Variants in SCG3 observed in about 807,000 individuals in gnomAD.
The protein encoded by SCG3 is secretogranin III.
In SCG3, 38 loss-of-function variants were observed where a neutral mutation model predicts 56.2. The observed-to-expected ratio is 0.68, with a 90% CI of 0.52 to 0.89. The LOEUF (loss-of-function observed/expected upper bound fraction) is 0.89, where lower values mean the gene tolerates loss of function less well. Ranked by LOEUF, SCG3 falls within the 40% of genes least tolerant of loss-of-function variation. The pLI, the probability that SCG3 is intolerant of heterozygous loss-of-function variation, is 0.00. For synonymous variants in SCG3, 176 were observed against 184.2 expected (o/e 0.96, Z 0.36); for missense variants, 524 against 540.7 (o/e 0.97, Z 0.31).
At chr15:51,716,640 C>T (rs552047346) in intron 11 of SCG3, among the ~76,000 whole-genome samples, 1 of 152,332 alleles carries the variant, frequency 6.6e-6, no homozygotes, top group African/African-American at 2.4e-5. Context: ...CTCCTGTTCT[C>T]TCACTCAACA....
chr15:51,696,449 C>G (rs2055304214), intron 8 of SCG3, among the ~76,000 whole-genome samples: 1 of 152,088 alleles, frequency 6.6e-6, no homozygotes, highest in African/African-American at 2.4e-5. Context: ...ACTCAGGAGG[C>G]TGAGGCATGA....
chr15:51,708,052 A>G (rs561610776), intron 10 of SCG3: 1 of 152,370 alleles, frequency 6.6e-6, no homozygotes, highest in African/African-American at 2.4e-5. Context: ...TGTAAAAACC[A>G]GAACAGCCAG....
chr15:51,708,808 G>A (rs1415516610), intron 10 of SCG3, among the ~76,000 whole-genome samples: 2 of 151,776 alleles, frequency 1.3e-5, no homozygotes, highest in Admixed American at 6.6e-5. Flanking sequence ...GCGGTGAGCC[G>A]AGACTGCACC....
rs546965557 is a variant in SCG3, at chr15:51,718,258, G to A, written c.1289-1150G>A. 5.3e-5 allele frequency among the ~76,000 whole-genome samples: 8 copies of A among 152,148 alleles called. No homozygotes were observed. In the South Asian group the frequency reaches 6.2e-4, roughly 12 times the overall value. On this transcript the variant is annotated intron_variant, in intron 11 of 11. Coordinates refer to ENST00000220478, the MANE Select transcript of SCG3 (RefSeq NM_013243.4). The stretch of plus-strand genomic sequence containing the variant: ...GACAGATGTCATAGGGTATAACCTC[G>A]TGGGGTTTTGTGGGGGGCAATTAAG...
rs1359539914 is a variant in SCG3, at chr15:51,694,700, G to C, written c.869-1175G>C. Among the ~76,000 whole-genome samples the C allele has an allele frequency of 2.6e-5, 4 of 151,736 alleles. No homozygotes were observed. In the East Asian group the frequency reaches 7.7e-4, roughly 29 times the overall value. ...CTATTATGGCATCATTATCCATTTT[G>C]TTCCATCAAGATGCAGAACAGAATG... On this transcript the variant is annotated intron_variant, in intron 7 of 11. Transcript: ENST00000220478.
rs1161546400 is a variant in SCG3 at position 51,704,276 on chromosome 15, T to TAA, written c.1207+3033_1207+3034insAA. ...ATATATATATATATATATATATATA[T>TAA]ATAAAATAGCTCTTTTTTGAAATTG... On this transcript the variant is annotated intron_variant, in intron 10 of 11. Coordinates refer to ENST00000220478, the MANE Select transcript of SCG3 (RefSeq NM_013243.4). Among the ~76,000 whole-genome samples the TAA allele has an allele frequency of 2.3e-5, 3 of 133,156 alleles. 1 individual carries two copies. Among genetic ancestry groups the TAA allele is most frequent in the Non-Finnish European group, 4.6e-5 (3 of 65,288 alleles). 87.4% of individuals were successfully genotyped at this position (133,156 alleles called of 152,430 possible). A position where few individuals can be genotyped will look rare whatever the true frequency, so the allele number is the denominator to read the frequency against.
At chr15:51,715,535 TA>T (rs1250878137) in intron 11 of SCG3, among the ~76,000 whole-genome samples, 3 of 152,150 alleles carry the variant, frequency 2.0e-5, no homozygotes, top group African/African-American at 7.2e-5. Flanking sequence ...ATAGTGAGGA[TA>T]ATGAGAAAAT....
Position 51,683,358 on chromosome 15 carries a change from T to G in SCG3, c.321T>G (p.Asp107Glu). ...SPLDNKLNVE[D>E]VDSTKNRKLI... ...TTGATAATAAGTTGAATGTGGAAGA[T>G]GTTGATTCAACCAAGAATCGAAAAC... is the stretch of plus-strand genomic sequence containing the variant. The change falls in exon 4 of 12, where the codon GAT becomes GAG. Residue 107 changes from aspartate to glutamate, a missense_variant. Physicochemically the swap from Asp to Glu is conservative, Grantham distance 45. Coordinates refer to ENST00000220478, the MANE Select transcript of SCG3 (RefSeq NM_013243.4). 1 of 1,613,790 alleles carries G rather than the reference T, an allele frequency of 6.2e-7. No individual in the cohort carries two copies. Among genetic ancestry groups the G allele is most frequent in the Non-Finnish European group, 8.5e-7 (1 of 1,179,734 alleles).
intron 10 of SCG3, among the ~76,000 whole-genome samples, chr15:51,706,551 A>C (rs2141575787): frequency 6.6e-6 from 1 of 152,270 alleles, no homozygotes; most frequent in East Asian, 1.9e-4. Flanking sequence ...TAAGCAGAAC[A>C]CATTGGCAGG....
chr15:51,689,593 T>C (rs1453084426), intron 6 of SCG3, among the ~76,000 whole-genome samples: 1 of 152,022 alleles, frequency 6.6e-6, no homozygotes, highest in Non-Finnish European at 1.5e-5. Context: ...AGTTCAAGAC[T>C]AGACCTGGCA....
chr15:51,708,171 G>T (rs558688954), intron 10 of SCG3: 1 of 151,950 alleles, frequency 6.6e-6, no homozygotes, highest in Non-Finnish European at 1.5e-5. Context: ...TTTTCCAAAG[G>T]AAGCTGAAAT....
At chr15:51,704,760 AATACATATAT>A (rs1357279789) in intron 10 of SCG3, among the ~76,000 whole-genome samples, 1 of 44,096 alleles carries the variant, frequency 2.3e-5, no homozygotes, top group African/African-American at 7.9e-5. Context: ...TGTTGTGAGT[AATACATATAT>A]ATATATATAT....
intron 10 of SCG3, among the ~76,000 whole-genome samples, chr15:51,709,549 G>A (rs958428310): frequency 3.4e-5 from 5 of 148,834 alleles, no homozygotes; most frequent in Non-Finnish European, 5.9e-5. Context: ...AATTGTTTCT[G>A]AAAAAATAGT....
chr15:51,715,671 C>A (rs2414115), intron 11 of SCG3, among the ~76,000 whole-genome samples: 1 of 152,156 alleles, frequency 6.6e-6, no homozygotes, highest in Admixed American at 6.5e-5. Flanking sequence ...GTCTCCTAAC[C>A]CCCAGCTAGG....
At chr15:51,718,448 C>T (rs1226450661) in intron 11 of SCG3, among the ~76,000 whole-genome samples, 1 of 152,164 alleles carries the variant, frequency 6.6e-6, no homozygotes, top group African/African-American at 2.4e-5. Context: ...TTTCCTTTCT[C>T]ATAAGAGCTT....
chr15:51,702,742 G>A (rs1373105157), intron 10 of SCG3, among the ~76,000 whole-genome samples: 1 of 152,184 alleles, frequency 6.6e-6, no homozygotes, highest in Non-Finnish European at 1.5e-5. Flanking sequence ...ACATCTCTAT[G>A]TCTCAGATAG....
intron 10 of SCG3, among the ~76,000 whole-genome samples, chr15:51,702,297 CCCAGGCTAGA>C (rs1274420374): frequency 6.6e-6 from 1 of 152,008 alleles, no homozygotes; most frequent in African/African-American, 2.4e-5. Context: ...CCCTCTGTTG[CCCAGGCTAGA>C]GTACAGTGGC....
At chr15:51,692,885 T>G (rs886689152) in intron 7 of SCG3, among the ~76,000 whole-genome samples, 7 of 151,952 alleles carry the variant, frequency 4.6e-5, no homozygotes, top group Middle Eastern at 3.4e-3. Context: ...TTTATTCTTT[T>G]TGTGTGTGTG....
intron 7 of SCG3, among the ~76,000 whole-genome samples, chr15:51,692,797 C>T (rs1278018787): frequency 6.6e-6 from 1 of 152,134 alleles, no homozygotes; most frequent in Non-Finnish European, 1.5e-5. Context: ...TACATTTATA[C>T]ATTGTGAAAT....
Sources: allele counts gnomAD v4.1 joint callset (sites outside exome capture counted in the v4.1 genomes callset), GRCh38; gene constraint gnomAD v4.1.1; transcripts MANE v1.5; gene names NCBI Gene and HGNC (gene_info 2026-07-23, HGNC 2026-07-21).